DOCK6: variants seen among roughly 807,000 people sequenced by gnomAD.
The protein encoded by DOCK6 is dedicator of cytokinesis 6.
Under a neutral mutation model 230.3 loss-of-function variants are expected in DOCK6, and 167 were observed. The ratio of observed to expected loss-of-function variants is 0.73; its 90% CI spans 0.64 to 0.82. The LOEUF is 0.82. Among genes scored for constraint, DOCK6 ranks in the 40% least tolerant of loss-of-function variants. The probability of loss-of-function intolerance (pLI) is 0.00; values close to 1 mark genes in which losing one functional copy is unlikely to be tolerated. For synonymous variants in DOCK6, 1,148 were observed against 1,185.0 expected, an observed-to-expected ratio of 0.97 and a Z score of 0.64; for missense variants, 2,598 against 2,825.8, an observed-to-expected ratio of 0.92 and a Z score of 1.83.
rs2079988600 is a variant in DOCK6, at chr19:11,243,764, G to A, written c.1104+38C>T. On this transcript the variant is annotated intron_variant, in intron 10 of 47. Transcript: ENST00000294618. This position sits in a 1 kb window ranked among gnomAD's most constrained non-coding sequence, Gnocchi z 6.3. Reference sequence around the variant, plus strand: ...TCAGCATCCTAGCCCTGCTGAGTCAGGGATCTGTTGCCCCTAGTCCAGCCT... The same window carrying A: ...TCAGCATCCTAGCCCTGCTGAGTCAAGGATCTGTTGCCCCTAGTCCAGCCT... 1 of 1,613,308 alleles carries A rather than the reference G, an allele frequency of 6.2e-7. No homozygotes were observed. The highest frequency in any genetic ancestry group is 1.7e-5 in the Admixed American group (1 of 59,892).
chr19:11,250,808 A>C, intron 6 of DOCK6, 66 bp downstream of exon 6: 2 of 1,473,802 alleles, frequency 1.4e-6, no homozygotes, highest in South Asian at 1.2e-5. Context: ...CTATTGAATA[A>C]ACATGAAGTA....
intron 14 of DOCK6, among the ~76,000 whole-genome samples, chr19:11,241,042 C>T (rs1243328205): frequency 1.3e-5 from 2 of 151,604 alleles, no homozygotes; most frequent in Non-Finnish European, 2.9e-5. Flanking sequence ...GTCAGGAGTT[C>T]GAGACCACCC....
chr19:11,221,155 G>C (rs1036800338), intron 28 of DOCK6: 1 of 152,206 alleles, frequency 6.6e-6, no homozygotes, highest in Admixed American at 6.6e-5. Context: ...CAACGGATGG[G>C]GTCAACAGGA....
chr19:11,232,301 C>T (rs753775747), intron 22 of DOCK6: 40 of 1,288,886 alleles, frequency 3.1e-5, no homozygotes, highest in East Asian at 5.5e-5. Context: ...TGGAGATACA[C>T]GGAGAAGTGG....
chr19:11,246,415 A>T (rs559217700), intron 7 of DOCK6, among the ~76,000 whole-genome samples: 12 of 149,720 alleles, frequency 8.0e-5, no homozygotes, highest in Non-Finnish European at 1.3e-4. Flanking sequence ...GCTTGCTGTG[A>T]ATTTTTTATT....
At position 11,217,501 on chromosome 19, in the gene DOCK6, A is replaced by G. The variant is rs2079511809; in HGVS notation, c.3551-110T>C. The stretch of plus-strand genomic sequence containing the variant: ...GCCAGGCACAGTGGCTCACGCCTGT[A>G]ATACCAGCACTTTGGGAGGCAGAGG... On this transcript the variant is annotated intron_variant, in intron 28 of 47. Coordinates refer to ENST00000294618, the MANE Select transcript of DOCK6 (RefSeq NM_020812.4). The G allele has an allele frequency of 2.1e-6, 3 of 1,397,362 alleles. No homozygotes were observed. The South Asian group carries it at 3.8e-5, about 18-fold the overall frequency. The allele number at this position is 1,397,362 out of a possible 1,614,324, so 86.6% of individuals were successfully genotyped here. A position where few individuals can be genotyped will look rare whatever the true frequency, so the allele number is the denominator to read the frequency against.
At chr19:11,242,962 G>A (rs1024657684) in intron 13 of DOCK6, 97 bp downstream of exon 13, 98 of 1,400,788 alleles carry the variant, frequency 7.0e-5, no homozygotes, top group Middle Eastern at 3.5e-4. Flanking sequence ...TCATCGTTGG[G>A]TCTCTGATGC....
intron 29 of DOCK6, 36 bp downstream of exon 29, chr19:11,217,195 T>G (rs775905342): frequency 1.9e-6 from 3 of 1,603,670 alleles, no homozygotes; most frequent in Non-Finnish European, 2.6e-6. Context: ...TCATTCAAAG[T>G]GGATGATGTC....
intron 14 of DOCK6, chr19:11,240,102 C>T (rs1599264062): frequency 6.4e-7 from 1 of 1,551,038 alleles, no homozygotes; most frequent in Non-Finnish European, 8.7e-7. Context: ...ATGAGTTGGA[C>T]ATCCTACTAG....
chr19:11,239,453 A>G (rs1162090030), intron 14 of DOCK6, among the ~76,000 whole-genome samples: 2 of 152,160 alleles, frequency 1.3e-5, no homozygotes, highest in Non-Finnish European at 2.9e-5. Flanking sequence ...CCTGAGCCCC[A>G]GGAAGCGTGA....
At chr19:11,262,128 G>T (rs1288987189) in intron 1 of DOCK6, among the ~76,000 whole-genome samples, 1 of 151,966 alleles carries the variant, frequency 6.6e-6, no homozygotes, top group East Asian at 2.0e-4. Context: ...GAAGCCCTCC[G>T]GACACACCCC....
At position 11,202,291 on chromosome 19, in the gene DOCK6, T is replaced by C; in HGVS notation, c.5451+103A>G. ...GGTTTTGGGGTCCCTCAGTGAAATA[T>C]GATTTGGGGTTTCCCAGAGAAAGAG... On this transcript the variant is annotated intron_variant, in intron 43 of 47. Coordinates refer to ENST00000294618, the MANE Select transcript of DOCK6 (RefSeq NM_020812.4). The surrounding 1 kb of genome is among the most constrained non-coding windows in gnomAD (Gnocchi z 5.3). The C allele has an allele frequency of 3.4e-6, 5 of 1,450,828 alleles. No individual in the cohort carries two copies. Among genetic ancestry groups the C allele is most frequent in the Non-Finnish European group, 3.8e-6 (4 of 1,060,046 alleles). 89.9% of individuals were successfully genotyped at this position (1,450,828 alleles called of 1,614,324 possible). A position where few individuals can be genotyped will look rare whatever the true frequency, so the allele number is the denominator to read the frequency against.
rs775704741 is a variant in DOCK6, at chr19:11,253,693, G to C, written c.78C>G (p.Ser26=). ...TVAAEVRKQV[S]RERSGSPHSS... is the part of the protein sequence containing the mutation. The stretch of plus-strand genomic sequence containing the variant: ...AGTGGGGGGAGCCACTGCGTTCCCG[G>C]GACACCTGCTTCCGCACCTCTGCGG... Residue 26 remains serine, a synonymous_variant, in exon 2 of 48, where the codon TCC becomes TCG. Transcript: ENST00000294618. 1 of 1,472,430 alleles carries C rather than the reference G, an allele frequency of 6.8e-7. No homozygotes were observed. The highest frequency in any genetic ancestry group is 1.4e-5 in the South Asian group (1 of 69,956). 91.2% of individuals were successfully genotyped at this position (1,472,430 alleles called of 1,614,324 possible).
chr19:11,248,169 TGG>T lies in DOCK6; in HGVS notation c.721-20_721-19del. On this transcript the variant is annotated intron_variant, in intron 6 of 47. Coordinates refer to ENST00000294618, the MANE Select transcript of DOCK6 (RefSeq NM_020812.4). ...GCTTCATCCTGCCAAGAGTGGGGGG[TGG>T]GAGCTGGGCGGGAGGAGCTGGGACA... The T allele has an allele frequency of 9.8e-7, 1 of 1,023,174 alleles. No individual in the cohort carries two copies. The highest frequency in any genetic ancestry group is 1.5e-6 in the Non-Finnish European group (1 of 680,338). 63.4% of individuals were successfully genotyped at this position (1,023,174 alleles called of 1,614,324 possible).
At position 11,236,407 on chromosome 19, in the gene DOCK6, G is replaced by A; in HGVS notation, c.2331C>T (p.His777=). The A allele has an allele frequency of 6.3e-7, 1 of 1,588,242 alleles. No homozygotes were observed. Among genetic ancestry groups the A allele is most frequent in the Non-Finnish European group, 8.6e-7 (1 of 1,167,818 alleles). Residue 777 remains histidine, a synonymous_variant, in exon 20 of 48, where the codon CAC becomes CAT. Coordinates refer to ENST00000294618, the MANE Select transcript of DOCK6 (RefSeq NM_020812.4). The surrounding 1 kb of genome is among the most constrained non-coding windows in gnomAD (Gnocchi z 5.2). The part of the protein sequence containing the change: ...ASPEPLVAFS[H]HVLDKLVRLV... Reference sequence around the variant, plus strand: ...GACGCACGAGCTTGTCCAGCACGTGGTGGGAGAAGGCCACAAGGGGTTCGG... The same window carrying A: ...GACGCACGAGCTTGTCCAGCACGTGATGGGAGAAGGCCACAAGGGGTTCGG...
rs767362371 is a variant in DOCK6, at chr19:11,243,049, T to A, written c.1480+10A>T. On this transcript the variant is annotated intron_variant, in intron 13 of 47. Coordinates refer to ENST00000294618, the MANE Select transcript of DOCK6 (RefSeq NM_020812.4). This position sits in a 1 kb window ranked among gnomAD's most constrained non-coding sequence, Gnocchi z 6.3. The stretch of plus-strand genomic sequence containing the variant: ...AGTGATACTTCTTGTGTATGGGGTG[T>A]GCCACGCACCAGTCACAGGACGTAG... 6.2e-7 allele frequency: 1 copy of A among 1,613,698 alleles called. No individual in the cohort carries two copies. Among genetic ancestry groups the A allele is most frequent in the Non-Finnish European group, 8.5e-7 (1 of 1,179,850 alleles).
At position 11,235,676 on chromosome 19, in the gene DOCK6, G is replaced by C; in HGVS notation, c.2476C>G (p.Arg826Gly). The C allele has an allele frequency of 6.2e-7, 1 of 1,601,782 alleles. No individual in the cohort carries two copies. Among genetic ancestry groups the C allele is most frequent in the South Asian group, 1.1e-5 (1 of 88,548 alleles). The change falls in exon 21 of 48, where the codon CGC becomes GGC. Residue 826 changes from arginine to glycine, a missense_variant. Coordinates refer to ENST00000294618, the MANE Select transcript of DOCK6 (RefSeq NM_020812.4). ...HRSLEAAQDARGHCPQLAAYV... is the reference protein window; with the variant it reads ...HRSLEAAQDAGGHCPQLAAYV... Reference sequence around the variant, plus strand: ...GCAGCCAGCTGTGGGCAGTGACCGCGGGCATCCTGGGCTGCCTCCAGGCTC... The same window carrying C: ...GCAGCCAGCTGTGGGCAGTGACCGCCGGCATCCTGGGCTGCCTCCAGGCTC...
In DOCK6 at chr19:11,217,049, C is replaced by A. The variant is rs1293812771; in HGVS notation, c.3759G>T (p.Leu1253Phe). 1.2e-6 allele frequency: 2 copies of A among 1,613,592 alleles called. No homozygotes were observed. The highest frequency in any genetic ancestry group is 1.7e-6 in the Non-Finnish European group (2 of 1,179,874). The change falls in exon 30 of 48, where the codon TTG (leucine) becomes TTT (phenylalanine). Residue 1253 changes from leucine (L) to phenylalanine (F), a missense_variant. Transcript: ENST00000294618. ...CALSAESSRTLLACVLWVLKN... is the reference protein window; with the variant it reads ...CALSAESSRTFLACVLWVLKN... Reference sequence around the variant, plus strand: ...TCAGCACCCACAGCACACACGCCAGCAAGGTCCGGCTTGACTCAGCAGAGA... The same window carrying A: ...TCAGCACCCACAGCACACACGCCAGAAAGGTCCGGCTTGACTCAGCAGAGA...
Position 11,236,580 on chromosome 19 carries a change from G to A in DOCK6, c.2161-3C>T. 1 of 1,576,922 alleles carries A rather than the reference G, an allele frequency of 6.3e-7. No individual in the cohort carries two copies. The highest frequency in any genetic ancestry group is 8.6e-7 in the Non-Finnish European group (1 of 1,161,736). On this transcript the variant is annotated splice_polypyrimidine_tract_variant and splice_region_variant and intron_variant, in intron 19 of 47. Coordinates refer to ENST00000294618, the MANE Select transcript of DOCK6 (RefSeq NM_020812.4). The surrounding 1 kb of genome is among the most constrained non-coding windows in gnomAD (Gnocchi z 5.2). ...AAGAATTTGTCCAGGTAGGGGTCCT[G>A]GGTAGGGATGTGGAGTGAGCAGGGT...
Sources: allele counts gnomAD v4.1 joint callset (sites outside exome capture counted in the v4.1 genomes callset), GRCh38; gene constraint gnomAD v4.1.1; non-coding constraint Gnocchi (gnomAD v3.1); transcripts MANE v1.5; gene names NCBI Gene and HGNC (gene_info 2026-07-23, HGNC 2026-07-21).